The following MUS81 variants were observed in gnomAD, a reference collection of about 807,000 sequenced individuals.
MUS81 encodes MUS81 structure-specific endonuclease subunit, also known as structure-specific endonuclease subunit MUS81.
MUS81 carries 69 observed loss-of-function variants against 74.2 expected under a neutral mutation model. The ratio of observed to expected loss-of-function variants is 0.93; its 90% confidence interval spans 0.77 to 1.14. MUS81 has a LOEUF of 1.14. Among genes scored for constraint, MUS81 ranks in the 50% most tolerant of loss-of-function variants. The probability of loss-of-function intolerance (pLI) is 0.00; values close to 1 mark genes in which losing one functional copy is unlikely to be tolerated. For synonymous variants in MUS81, 303 were observed against 300.6 expected (o/e 1.01, Z -0.08); for missense variants, 711 against 726.5 (o/e 0.98, Z 0.25).
In MUS81 at chr11:65,865,817, G is replaced by A; in HGVS notation, c.1512G>A (p.Leu504=). 1.9e-6 allele frequency: 3 copies of A among 1,613,870 alleles called. No individual in the cohort carries two copies. Among genetic ancestry groups the A allele is most frequent in the Non-Finnish European group, 2.5e-6 (3 of 1,179,984 alleles). The change falls in exon 15 of 16, where the codon CTG becomes CTA. Residue 504 remains leucine (L), a synonymous_variant. Coordinates refer to ENST00000308110, the MANE Select transcript of MUS81 (RefSeq NM_025128.5). The part of the protein sequence containing the change: ...VDRYSTPASL[L]AAYDACATPK... ...TCAAACCCCTGCCCCCCAGCCTCCT[G>A]GCCGCCTATGATGCCTGTGCCACCC...
rs763200376 is a variant in MUS81, at chr11:65,863,780, A to G, written c.962-24A>G. The G allele has an allele frequency of 1.6e-5, 26 of 1,614,046 alleles. No homozygotes were observed. In the African/African-American group the frequency reaches 3.1e-4, roughly 19 times the overall value. On this transcript the variant is annotated intron_variant, in intron 9 of 15. Coordinates refer to ENST00000308110, the MANE Select transcript of MUS81 (RefSeq NM_025128.5). ...AGGGCCTGGTGGGTAGGGGATCGCA[A>G]GCTAACGGCTGGCTTGTCAGCAGCA...
rs1859804491 is a variant in MUS81 at position 65,865,749 on chromosome 11, T to G, written c.1506-62T>G. 3.9e-6 allele frequency: 6 copies of G among 1,537,962 alleles called. No individual in the cohort carries two copies. The Admixed American group carries it at 1.0e-4, about 26-fold the overall frequency. ...CATGCTGACCCCTCTGCCTGGCCCCTCATGGTGCTGGCCCAGAGTGGGCCA... is the reference window on the plus strand; with the variant it reads ...CATGCTGACCCCTCTGCCTGGCCCCGCATGGTGCTGGCCCAGAGTGGGCCA... On this transcript the variant is annotated intron_variant, in intron 14 of 15. Coordinates refer to ENST00000308110, the MANE Select transcript of MUS81 (RefSeq NM_025128.5).
downstream of MUS81, chr11:65,867,406 G>C (rs991315536): frequency 2.1e-6 from 1 of 472,318 alleles, no homozygotes; most frequent in African/African-American, 2.0e-5. Context: ...ACTCCCTTCA[G>C]AGCATTCAAT....
chr11:65,864,599 G>A lies in MUS81; in HGVS notation c.1162G>A (p.Val388Ile), dbSNP rs141867321. 227 of 1,614,128 alleles carry A rather than the reference G, an allele frequency of 1.4e-4. No individual in the cohort carries two copies. The East Asian group carries it at 4.4e-3, about 31-fold the overall frequency. ...TCCTGAGAGCACACTGCTGCAGGCTGTCACCAACACTCAGGTGAGCTGGGA... is the reference window on the plus strand; with the variant it reads ...TCCTGAGAGCACACTGCTGCAGGCTATCACCAACACTCAGGTGAGCTGGGA... ...SLPESTLLQA[V>I]TNTQVIDGFF... Residue 388 changes from valine to isoleucine, a missense_variant, in exon 11 of 16, where the codon GTC (valine) becomes ATC (isoleucine). Physicochemically the swap from Val to Ile is conservative, Grantham distance 29. Transcript: ENST00000308110.
downstream of MUS81, chr11:65,866,768 C>G: frequency 1.9e-6 from 2 of 1,064,666 alleles, no homozygotes; most frequent in Non-Finnish European, 2.8e-6. Context: ...CCAAGTGCCA[C>G]CCTGCCCCAG....
chr11:65,862,359 T>C (rs1014292229), intron 5 of MUS81, 80 bp downstream of exon 5: 8 of 1,575,560 alleles, frequency 5.1e-6, no homozygotes, highest in Non-Finnish European at 5.2e-6. Flanking sequence ...AGTGGGCCCA[T>C]GTGTGGCCCA....
downstream of MUS81, chr11:65,866,763 T>C: frequency 1.0e-6 from 1 of 992,502 alleles, no homozygotes; most frequent in Non-Finnish European, 1.6e-6. Context: ...CCCCCCCAAG[T>C]GCCACCCTGC....
At position 65,861,400 on chromosome 11, in the gene MUS81, G is replaced by A. The variant is rs138876239; in HGVS notation, c.316G>A (p.Gly106Arg). 5.0e-6 allele frequency: 8 copies of A among 1,604,784 alleles called. No individual in the cohort carries two copies. The highest frequency in any genetic ancestry group is 6.8e-6 in the Non-Finnish European group (8 of 1,174,876). ...TGGAGAGAACAGTCCAGCCCCGCAG[G>A]GGCGACTTGCGGAAGTCCAGGACTC... is the stretch of plus-strand genomic sequence containing the variant. ...PSGENSPAPQ[G>R]RLAEVQDSSM... is the part of the protein sequence containing the mutation. Residue 106 changes from glycine (G) to arginine (R), a missense_variant, in exon 3 of 16, where the codon GGG becomes AGG. Coordinates refer to ENST00000308110, the MANE Select transcript of MUS81 (RefSeq NM_025128.5).
intron 3 of MUS81, 92 bp downstream of exon 3, chr11:65,861,527 C>T: frequency 9.3e-7 from 1 of 1,072,210 alleles, no homozygotes; most frequent in South Asian, 1.4e-5. Flanking sequence ...GAGTCCAAAT[C>T]TCACCAGTGA....
Position 65,865,266 on chromosome 11 carries a change from G to A in MUS81, c.1448G>A (p.Arg483His), listed in dbSNP as rs768086876. The A allele has an allele frequency of 1.7e-5, 28 of 1,614,066 alleles. No homozygotes were observed. The highest frequency in any genetic ancestry group is 5.3e-5 in the African/African-American group (4 of 74,932). The stretch of plus-strand genomic sequence containing the variant: ...TTTGCCCGGCAGCTGATGCAGGTGC[G>A]CGGAGTGAGTGGGGAGAAGGCAGCA... The part of the protein sequence containing the change: ...EVFARQLMQV[R>H]GVSGEKAAAL... Residue 483 changes from arginine to histidine, a missense_variant, in exon 14 of 16, where the codon CGC (arginine) becomes CAC (histidine). Coordinates refer to ENST00000308110, the MANE Select transcript of MUS81 (RefSeq NM_025128.5).
At chr11:65,866,741 G>GA (rs1859851424), downstream of MUS81, 1 of 810,820 alleles carries the variant, frequency 1.2e-6, no homozygotes, top group African/African-American at 1.7e-5. Context: ...CCATTTAGGT[G>GA]AACTTGGCCT....
chr11:65,861,817 C>G (rs1236473362), intron 3 of MUS81, 130 bp from the exon 4 acceptor site: 1 of 734,108 alleles, frequency 1.4e-6, no homozygotes, highest in African/African-American at 1.8e-5. Flanking sequence ...ATCCCATCAC[C>G]TGGCCCATTT....
intron 12 of MUS81, 36 bp downstream of exon 12, chr11:65,864,851 GCCCACAAGGAATTCA>G (rs1298228469): frequency 6.3e-7 from 1 of 1,599,102 alleles, no homozygotes; most frequent in Admixed American, 1.7e-5. Flanking sequence ...TCGGGACAGA[GCCCACAAGGAATTCA>G]CCTTGCCTGG....
chr11:65,865,443 A>G, intron 14 of MUS81, 120 bp downstream of exon 14: 1 of 1,059,646 alleles, frequency 9.4e-7, no homozygotes, highest in Non-Finnish European at 1.3e-6. Flanking sequence ...CCAGAGATAG[A>G]CAGATCCCAG....
rs185479049 is a variant in MUS81, at chr11:65,864,981, G to A, written c.1273-36G>A. The A allele has an allele frequency of 1.1e-4, 174 of 1,609,088 alleles. No individual in the cohort carries two copies. In the African/African-American group the frequency reaches 1.1e-3, roughly 10 times the overall value. ...AGGGGCTGGCTGGAGTTGTTCCTTC[G>A]AGCTCCAGCCTGGCCTCAGTCCCTT... On this transcript the variant is annotated intron_variant, in intron 12 of 15. Transcript: ENST00000308110.
At chr11:65,867,095 T>A (rs1258442287), downstream of MUS81, 1 of 1,613,596 alleles carries the variant, frequency 6.2e-7, no homozygotes, top group East Asian at 2.2e-5. Context: ...GGGCAGTGGG[T>A]GGGGGGACAT....
At chr11:65,863,022 T>G in intron 6 of MUS81, 43 bp from the exon 7 acceptor site, 1 of 1,612,600 alleles carries the variant, frequency 6.2e-7, no homozygotes, top group Non-Finnish European at 8.5e-7. Context: ...CTGCCAGGAA[T>G]GAGTGAAGAA....
At position 65,864,713 on chromosome 11, in the gene MUS81, T is replaced by A. The variant is rs911501125; in HGVS notation, c.1177-7T>A. 6 of 1,613,888 alleles carry A rather than the reference T, an allele frequency of 3.7e-6. No individual in the cohort carries two copies. The highest frequency in any genetic ancestry group is 4.2e-6 in the Non-Finnish European group (5 of 1,179,984). ...CCACCTTCCCTCTCTTGGGTCCTCT[T>A]CCCCAGGTCATTGATGGCTTTTTTG... is the stretch of plus-strand genomic sequence containing the variant. On this transcript the variant is annotated splice_polypyrimidine_tract_variant and splice_region_variant and intron_variant, in intron 11 of 15. Transcript: ENST00000308110.
Position 65,860,876 on chromosome 11 carries a change from C to G in MUS81, c.123C>G (p.Phe41Leu). 6.3e-7 allele frequency: 1 copy of G among 1,575,458 alleles called. No homozygotes were observed. Among genetic ancestry groups the G allele is most frequent in the Non-Finnish European group, 8.6e-7 (1 of 1,163,604 alleles). Residue 41 changes from phenylalanine (F) to leucine (L), a missense_variant, in exon 1 of 16, where the codon TTC becomes TTG. Transcript: ENST00000308110. ...EATRSRRRTRFVFQKALRSLR... is the reference protein window; with the variant it reads ...EATRSRRRTRLVFQKALRSLR... The stretch of plus-strand genomic sequence containing the variant: ...CCCGCAGCAGGCGCCGCACGCGCTT[C>G]GTATTTCAGAAGGTGGGTCCTGGCG...
Sources: gnomAD v4.1 joint callset for allele counts on GRCh38, gnomAD v4.1.1 for gene constraint, MANE v1.5 for transcripts, NCBI Gene and HGNC (gene_info 2026-07-23, HGNC 2026-07-21) for gene names.